Variants in CHN2 observed in about 807,000 individuals in gnomAD.
CHN2 encodes the protein beta-chimaerin.
A neutral mutation model predicts 56.3 loss-of-function variants in CHN2; 35 were observed. The ratio of observed to expected loss-of-function variants is 0.62; its 90% CI spans 0.47 to 0.82. CHN2 has a LOEUF of 0.82. Ranked by LOEUF, CHN2 falls within the 40% of genes least tolerant of loss-of-function variation. The pLI, the probability that CHN2 is intolerant of heterozygous loss-of-function variation, is 0.00. For synonymous variants in CHN2, 210 were observed against 212.8 expected, an observed-to-expected ratio of 0.99 and a Z score of 0.12; for missense variants, 491 against 580.5, an observed-to-expected ratio of 0.85 and a Z score of 1.58.
intron 5 of CHN2, among the ~76,000 whole-genome samples, chr7:29,399,773 T>C (rs1183107814): frequency 6.6e-6 from 1 of 152,278 alleles, no homozygotes; most frequent in East Asian, 1.9e-4. Flanking sequence ...TCTTAAATAA[T>C]GTAATTATGA....
intron 2 of CHN2, among the ~76,000 whole-genome samples, chr7:29,181,967 A>C (rs1798111655): frequency 6.6e-6 from 1 of 152,216 alleles, no homozygotes; most frequent in African/African-American, 2.4e-5. Flanking sequence ...TACAGTAAGC[A>C]TGGATTACTT....
intron 1 of CHN2, among the ~76,000 whole-genome samples, chr7:29,319,380 A>T (rs964707770): frequency 6.6e-6 from 1 of 152,104 alleles, no homozygotes; most frequent in African/African-American, 2.4e-5. Flanking sequence ...AGGAGAAAAA[A>T]GTTGTGGGTG....
At chr7:29,338,235 A>T (rs1418697850) in intron 1 of CHN2, among the ~76,000 whole-genome samples, 1 of 152,144 alleles carries the variant, frequency 6.6e-6, no homozygotes, top group Non-Finnish European at 1.5e-5. Flanking sequence ...ATGGGATACA[A>T]ATGAGTTGGC....
chr7:29,391,696 C>T (rs1801384078), intron 3 of CHN2, among the ~76,000 whole-genome samples: 1 of 152,186 alleles, frequency 6.6e-6, no homozygotes, highest in African/African-American at 2.4e-5. Flanking sequence ...TGTTAGATTT[C>T]TCCTTAAGCG....
At chr7:29,157,103 T>G (rs1304714204) in intron 2 of CHN2, among the ~76,000 whole-genome samples, 1 of 152,194 alleles carries the variant, frequency 6.6e-6, no homozygotes, top group African/African-American at 2.4e-5. Flanking sequence ...AAAGGCTTGA[T>G]GATTGCTGAA....
At chr7:29,329,351 A>G (rs1438123445) in intron 1 of CHN2, among the ~76,000 whole-genome samples, 1 of 136,756 alleles carries the variant, frequency 7.3e-6, no homozygotes, top group African/African-American at 2.8e-5. Flanking sequence ...TACCTTCCAC[A>G]CTAGCTTTAA....
At chr7:29,305,380 A>C (rs1347696206) in intron 1 of CHN2, among the ~76,000 whole-genome samples, 1 of 152,168 alleles carries the variant, frequency 6.6e-6, no homozygotes, top group Non-Finnish European at 1.5e-5. Context: ...TGCTGTCCAT[A>C]TTCTACATGC....
Position 29,345,733 on chromosome 7 carries a change from G to A in CHN2, c.50-8892G>A, listed in dbSNP as rs558475770. On this transcript the variant is annotated intron_variant, in intron 1 of 12. Coordinates refer to ENST00000222792, the MANE Select transcript of CHN2 (RefSeq NM_004067.4). ...TATCCAATAAGTACCTGTTGAATGGGAGAATCTCATCATGCCTCTGTGTAC... is the reference window on the plus strand; with the variant it reads ...TATCCAATAAGTACCTGTTGAATGGAAGAATCTCATCATGCCTCTGTGTAC... Among the ~76,000 whole-genome samples the A allele has an allele frequency of 1.7e-4, 26 of 152,200 alleles. No individual in the cohort carries two copies. The East Asian group carries it at 4.8e-3, about 28-fold the overall frequency.
intron 1 of CHN2, among the ~76,000 whole-genome samples, 175 bp from the exon 2 acceptor site, chr7:29,354,450 G>C (rs1055074665): frequency 6.6e-6 from 1 of 152,076 alleles, no homozygotes; most frequent in Non-Finnish European, 1.5e-5. Context: ...AGTCCACAAG[G>C]TTTCCATGCA....
intron 6 of CHN2, among the ~76,000 whole-genome samples, chr7:29,407,664 C>A (rs577179168): frequency 6.6e-6 from 1 of 152,168 alleles, no homozygotes; most frequent in African/African-American, 2.4e-5. Context: ...GCTGACCAGC[C>A]GACTTGCTGC....
At chr7:29,454,487 A>G (rs1784615307) in intron 6 of CHN2, among the ~76,000 whole-genome samples, 1 of 152,192 alleles carries the variant, frequency 6.6e-6, no homozygotes, top group African/African-American at 2.4e-5. Flanking sequence ...TTTGCATCTC[A>G]TTTTAGCCAA....
chr7:29,187,598 C>T (rs1034550001), intron 2 of CHN2, among the ~76,000 whole-genome samples: 8 of 151,976 alleles, frequency 5.3e-5, no homozygotes, highest in African/African-American at 1.9e-4. Context: ...GTGGTGTAAT[C>T]CCACCTGTAA....
At chr7:29,150,417 G>A (rs1330116704) in intron 2 of CHN2, among the ~76,000 whole-genome samples, 2 of 152,186 alleles carry the variant, frequency 1.3e-5, no homozygotes, top group Non-Finnish European at 2.9e-5. Flanking sequence ...TCTAGGCTGT[G>A]ACTGCAGTTC....
chr7:29,295,002 A>C (rs1169047260), intron 1 of CHN2, among the ~76,000 whole-genome samples: 1 of 152,166 alleles, frequency 6.6e-6, no homozygotes, highest in Non-Finnish European at 1.5e-5. Context: ...CCCCCCACAG[A>C]TACCAAGATC....
At chr7:29,260,314 T>C (rs1157714921) in intron 1 of CHN2, among the ~76,000 whole-genome samples, 1 of 152,210 alleles carries the variant, frequency 6.6e-6, no homozygotes, top group Non-Finnish European at 1.5e-5. Context: ...TGTCAGTGCA[T>C]TATCCATTAA....
At chr7:29,354,752 C>A in intron 2 of CHN2, 89 bp downstream of exon 2, 1 of 1,158,342 alleles carries the variant, frequency 8.6e-7, no homozygotes, top group Non-Finnish European at 1.3e-6. Flanking sequence ...TGCACACAAG[C>A]GTTCCCACCT....
intron 1 of CHN2, among the ~76,000 whole-genome samples, chr7:29,335,202 T>C (rs1188914101): frequency 6.6e-6 from 1 of 152,192 alleles, no homozygotes; most frequent in Non-Finnish European, 1.5e-5. Flanking sequence ...ACTCATGCAT[T>C]CTCTGTCATG....
intron 7 of CHN2, 108 bp downstream of exon 7, chr7:29,480,464 C>T (rs1227410906): frequency 4.3e-6 from 5 of 1,154,852 alleles, no homozygotes; most frequent in Non-Finnish European, 5.0e-6. Flanking sequence ...ACAATGAATT[C>T]CTTTGCTTTC....
intron 1 of CHN2, among the ~76,000 whole-genome samples, chr7:29,345,987 T>C (rs940910641): frequency 2.6e-5 from 4 of 152,178 alleles, no homozygotes; most frequent in Non-Finnish European, 5.9e-5. Context: ...ATGAGTTTCA[T>C]AGTCAGACTG....
Sources: gnomAD v4.1 joint callset for allele counts (sites outside exome capture counted in the v4.1 genomes callset) on GRCh38, gnomAD v4.1.1 for gene constraint, MANE v1.5 for transcripts, NCBI Gene and HGNC (gene_info 2026-07-23, HGNC 2026-07-21) for gene names.